Variants in ARL14EPL observed in about 807,000 individuals in gnomAD.
ARL14EPL encodes ARL14 effector protein-like.
A neutral mutation model predicts 15.9 loss-of-function variants in ARL14EPL; 17 were observed. The observed-to-expected ratio is 1.07, with a 90% CI of 0.73 to 1.60. The LOEUF (loss-of-function observed/expected upper bound fraction) is 1.60, where lower values mean the gene tolerates loss of function less well. Among genes scored for constraint, ARL14EPL ranks in the 40% most tolerant of loss-of-function variants. The pLI, the probability that ARL14EPL is intolerant of heterozygous loss-of-function variation, is 0.00. For synonymous variants in ARL14EPL, 78 were observed against 63.8 expected (o/e 1.22, Z -1.06); for missense variants, 214 against 185.9 (o/e 1.15, Z -0.88).
At chr5:116,043,262 C>G (rs1749197973) in intron 1 of ARL14EPL, among the ~76,000 whole-genome samples, 1 of 151,494 alleles carries the variant, frequency 6.6e-6, no homozygotes, top group African/African-American at 2.4e-5. Flanking sequence ...TAATACCACT[C>G]ATAACTCATA....
chr5:116,055,500 A>G (rs1247526858), intron 3 of ARL14EPL, among the ~76,000 whole-genome samples: 1 of 152,188 alleles, frequency 6.6e-6, no homozygotes, highest in East Asian at 1.9e-4. Context: ...GAACAGCTAC[A>G]TGTACCATCA....
chr5:116,054,198 G>A (rs1749461412), intron 3 of ARL14EPL, 45 bp downstream of exon 3: 2 of 1,483,938 alleles, frequency 1.3e-6, no homozygotes, highest in Non-Finnish European at 1.8e-6. Context: ...ATTATGAAAT[G>A]CATGAATTCT....
intron 1 of ARL14EPL, among the ~76,000 whole-genome samples, chr5:116,041,082 G>A (rs889459992): frequency 2.0e-5 from 3 of 151,082 alleles, no homozygotes; most frequent in Non-Finnish European, 4.4e-5. Flanking sequence ...AGCACAGGGA[G>A]TTCTCATGTA....
chr5:116,048,068 C>T (rs1269546269), intron 1 of ARL14EPL, among the ~76,000 whole-genome samples: 1 of 152,166 alleles, frequency 6.6e-6, no homozygotes, highest in Non-Finnish European at 1.5e-5. Context: ...TTTCTTTCCC[C>T]ATACGGGTAC....
Position 116,059,232 on chromosome 5 carries a change from C to G in ARL14EPL, c.*285C>G, listed in dbSNP as rs1208252433. The G allele has an allele frequency of 3.0e-6, 1 of 334,860 alleles. No individual in the cohort carries two copies. The highest frequency in any genetic ancestry group is 5.5e-6 in the Non-Finnish European group (1 of 180,396). The allele number at this position is 334,860 out of a possible 1,614,324, so 20.7% of individuals were successfully genotyped here. ...TCTACTCTGCCTTCAAATTAAAACT[C>G]TCTTCCCTCTTTGCTGATATCTGAG... On this transcript the variant is annotated 3_prime_UTR_variant, in exon 4 of 4. Transcript: ENST00000686077.
At chr5:116,042,488 G>A (rs1231100902) in intron 1 of ARL14EPL, among the ~76,000 whole-genome samples, 1 of 152,162 alleles carries the variant, frequency 6.6e-6, no homozygotes, top group Non-Finnish European at 1.5e-5. Flanking sequence ...ACTAGAAAGT[G>A]TACCTTTTCA....
chr5:116,051,610 C>A, intron 2 of ARL14EPL, 49 bp downstream of exon 2: 1 of 1,434,580 alleles, frequency 7.0e-7, no homozygotes. Flanking sequence ...AGTGCCCCCT[C>A]GAGGATCTCT....
At chr5:116,044,093 A>G (rs1468446261) in intron 1 of ARL14EPL, among the ~76,000 whole-genome samples, 1 of 152,198 alleles carries the variant, frequency 6.6e-6, no homozygotes, top group Non-Finnish European at 1.5e-5. Flanking sequence ...GGCTTAATAC[A>G]TAAACATTCA....
Position 116,059,442 on chromosome 5 carries a change from T to A in ARL14EPL, c.*495T>A, listed in dbSNP as rs1200001438. On this transcript the variant is annotated 3_prime_UTR_variant, in exon 4 of 4. Transcript: ENST00000686077. Reference sequence around the variant, plus strand: ...TTGCACTGTATACCCATAGCCTCATTTTTTTATTGTTCATGTTTTAATAAC... The same window carrying A: ...TTGCACTGTATACCCATAGCCTCATATTTTTATTGTTCATGTTTTAATAAC... 1 of 152,688 alleles carries A rather than the reference T, an allele frequency of 6.5e-6. No individual in the cohort carries two copies. Among genetic ancestry groups the A allele is most frequent in the Non-Finnish European group, 1.5e-5 (1 of 68,442 alleles). 9.5% of individuals were successfully genotyped at this position (152,688 alleles called of 1,614,324 possible).
Position 116,059,031 on chromosome 5 carries a change from G to A in ARL14EPL, c.*84G>A. ...TCTTTTGGGTGAATTTTAGGGCTTG[G>A]GGGAAATATCGAAAAAACATACTGA... On this transcript the variant is annotated 3_prime_UTR_variant, in exon 4 of 4. Transcript: ENST00000686077. The A allele has an allele frequency of 7.5e-7, 1 of 1,330,262 alleles. No homozygotes were observed. Among genetic ancestry groups the A allele is most frequent in the Non-Finnish European group, 1.0e-6 (1 of 968,090 alleles). The allele number at this position is 1,330,262 out of a possible 1,614,324, so 82.4% of individuals were successfully genotyped here. A position where few individuals can be genotyped will look rare whatever the true frequency, so the allele number is the denominator to read the frequency against.
intron 1 of ARL14EPL, among the ~76,000 whole-genome samples, chr5:116,046,754 G>A (rs543526239): frequency 6.6e-6 from 1 of 152,232 alleles, no homozygotes; most frequent in Admixed American, 6.5e-5. Flanking sequence ...ATTTTCTGAA[G>A]GGATTTTTAA....
At chr5:116,052,518 C>T (rs575135143) in intron 2 of ARL14EPL, among the ~76,000 whole-genome samples, 1 of 152,320 alleles carries the variant, frequency 6.6e-6, no homozygotes, top group Admixed American at 6.5e-5. Flanking sequence ...CAAGGCCCAC[C>T]ACTAGTACGT....
At position 116,059,184 on chromosome 5, in the gene ARL14EPL, C is replaced by G. The variant is rs10064684; in HGVS notation, c.*237C>G. On this transcript the variant is annotated 3_prime_UTR_variant, in exon 4 of 4. Coordinates refer to ENST00000686077, the MANE Select transcript of ARL14EPL (RefSeq NM_001195581.2). The stretch of plus-strand genomic sequence containing the variant: ...AAGAATGTAACAATGGAGGGATCAG[C>G]ATTTCTCATCAGCACCCTCATCTCT... The G allele has an allele frequency of 4.0e-6, 2 of 501,178 alleles. No homozygotes were observed. The highest frequency in any genetic ancestry group is 3.4e-5 in the Admixed American group (1 of 29,466). 31.0% of individuals were successfully genotyped at this position (501,178 alleles called of 1,614,324 possible). A position where few individuals can be genotyped will look rare whatever the true frequency, so the allele number is the denominator to read the frequency against.
intron 1 of ARL14EPL, among the ~76,000 whole-genome samples, chr5:116,050,178 G>A (rs1301773242): frequency 1.3e-5 from 2 of 152,174 alleles, no homozygotes; most frequent in Non-Finnish European, 2.9e-5. Context: ...AGACACATAT[G>A]CAGGTTTGTT....
At chr5:116,045,418 G>T (rs1749245446) in intron 1 of ARL14EPL, among the ~76,000 whole-genome samples, 1 of 152,152 alleles carries the variant, frequency 6.6e-6, no homozygotes, top group African/African-American at 2.4e-5. Flanking sequence ...CTCTCCATTG[G>T]TGGAGGGGGG....
chr5:116,033,352 T>G (rs1316903965), intron 1 of ARL14EPL, among the ~76,000 whole-genome samples: 1 of 152,194 alleles, frequency 6.6e-6, no homozygotes, highest in African/African-American at 2.4e-5. Flanking sequence ...TTTTCAACAT[T>G]TTATTATAAA....
intron 3 of ARL14EPL, among the ~76,000 whole-genome samples, chr5:116,057,597 G>A (rs905620810): frequency 2.0e-5 from 3 of 152,134 alleles, no homozygotes; most frequent in Admixed American, 2.0e-4. Context: ...AAATTTCCTG[G>A]GGTTGCTTAG....
intron 3 of ARL14EPL, among the ~76,000 whole-genome samples, chr5:116,057,676 C>A (rs979571046): frequency 1.3e-5 from 2 of 152,170 alleles, no homozygotes; most frequent in African/African-American, 4.8e-5. Flanking sequence ...CTTGCTAAAG[C>A]GTGATCATCA....
intron 1 of ARL14EPL, among the ~76,000 whole-genome samples, chr5:116,032,882 C>G (rs2662451): frequency 1.3e-5 from 2 of 151,870 alleles, no homozygotes; most frequent in Admixed American, 6.6e-5. Context: ...GCCGCAGCCT[C>G]GACTTCCTGG....
Sources: allele counts gnomAD v4.1 joint callset (sites outside exome capture counted in the v4.1 genomes callset), GRCh38; gene constraint gnomAD v4.1.1; transcripts MANE v1.5; gene names NCBI Gene and HGNC (gene_info 2026-07-23, HGNC 2026-07-21).